The following ZWILCH variants were observed in gnomAD, a reference collection of about 807,000 sequenced individuals.
The protein encoded by ZWILCH is protein zwilch homolog.
Under a neutral mutation model 79.9 loss-of-function variants are expected in ZWILCH, and 74 were observed. The ratio of observed to expected loss-of-function variants is 0.93; its 90% confidence interval spans 0.77 to 1.12. The LOEUF is 1.12. Among genes scored for constraint, ZWILCH ranks in the 50% most tolerant of loss-of-function variants. The pLI is 0.00. For missense variants in ZWILCH, 694 were observed against 687.5 expected (o/e 1.01, Z -0.11); for synonymous variants, 241 against 228.2 (o/e 1.06, Z -0.51).
intron 8 of ZWILCH, among the ~76,000 whole-genome samples, chr15:66,525,743 T>C (rs1377289919): frequency 1.3e-5 from 2 of 150,648 alleles, no homozygotes; most frequent in Admixed American, 6.7e-5. Flanking sequence ...ACAAAAATTA[T>C]ATTCACATTT....
chr15:66,508,696 A>G (rs780090531), intron 1 of ZWILCH, 145 bp from the exon 2 acceptor site: 40 of 1,390,700 alleles, frequency 2.9e-5, no homozygotes, highest in Middle Eastern at 1.9e-4. Context: ...CTCTCTCTGC[A>G]ACTACATCTT....
At chr15:66,514,292 GA>G (rs1474148011) in intron 3 of ZWILCH, 3 of 294,210 alleles carry the variant, frequency 1.0e-5, no homozygotes, top group Non-Finnish European at 1.9e-5. Context: ...AGAAATAATC[GA>G]TAAAATTCAC....
intron 7 of ZWILCH, among the ~76,000 whole-genome samples, chr15:66,522,113 G>C (rs966447825): frequency 2.6e-5 from 4 of 151,824 alleles, no homozygotes; most frequent in African/African-American, 9.7e-5. Context: ...CAGAAGAATC[G>C]CTTGAACCCG....
intron 2 of ZWILCH, among the ~76,000 whole-genome samples, chr15:66,511,584 G>A (rs1375108588): frequency 6.6e-6 from 1 of 151,688 alleles, no homozygotes; most frequent in Admixed American, 6.6e-5. Context: ...GTTTCACTGT[G>A]AGATGGTAAA....
intron 18 of ZWILCH, 79 bp downstream of exon 18, chr15:66,546,784 A>G: frequency 3.0e-6 from 2 of 670,344 alleles, no homozygotes; most frequent in African/African-American, 1.8e-5. Context: ...CTACATTATC[A>G]ATGTCGATTT....
At chr15:66,513,102 TG>T (rs143994196) in intron 2 of ZWILCH, among the ~76,000 whole-genome samples, 11,484 of 152,098 alleles carry the variant, frequency 0.076, 1,440 homozygotes, top group African/African-American at 0.26. Flanking sequence ...GCCTAATTTT[TG>T]TATTTTTAGT....
intron 7 of ZWILCH, 173 bp from the exon 8 acceptor site, chr15:66,523,504 A>G (rs973037746): frequency 2.4e-5 from 13 of 535,278 alleles, no homozygotes; most frequent in African/African-American, 1.7e-4. Flanking sequence ...AAGATGGCAA[A>G]ATCTCTGAGT....
chr15:66,535,455 C>T (rs1267348053), intron 14 of ZWILCH, among the ~76,000 whole-genome samples: 1 of 152,062 alleles, frequency 6.6e-6, no homozygotes, highest in Admixed American at 6.6e-5. Context: ...GCAGACAGAT[C>T]ACTTGAGGTC....
At chr15:66,544,719 G>T (rs11853371) in intron 17 of ZWILCH, among the ~76,000 whole-genome samples, 9 of 44,806 alleles carry the variant, frequency 2.0e-4, no homozygotes, top group Admixed American at 5.8e-4. Flanking sequence ...TTGTTTTTTT[G>T]GTTTTTGTGT....
At chr15:66,529,619 A>G (rs1402970152) in intron 12 of ZWILCH, 46 bp downstream of exon 12, 3 of 1,451,190 alleles carry the variant, frequency 2.1e-6, no homozygotes, top group African/African-American at 1.4e-5. Flanking sequence ...GCAGCATAGC[A>G]TGATGTAAAG....
chr15:66,527,349 A>G lies in ZWILCH; in HGVS notation c.879A>G (p.Lys293=). The G allele has an allele frequency of 4.3e-6, 7 of 1,614,048 alleles. No individual in the cohort carries two copies. The highest frequency in any genetic ancestry group is 5.9e-6 in the Non-Finnish European group (7 of 1,179,968). The part of the protein sequence containing the change: ...VTEWLEPLEA[K]SAVELVQEFL... The stretch of plus-strand genomic sequence containing the variant: ...AATGGCTCGAGCCCCTGGAAGCAAA[A>G]TCTGCTGTTGAACTTGTTCAGGAAT... Residue 293 remains lysine (K), a synonymous_variant, in exon 9 of 19, where the codon AAA becomes AAG. Transcript: ENST00000307897.
At chr15:66,517,445 T>TATATATATATATATAC (rs1894319323) in intron 4 of ZWILCH, among the ~76,000 whole-genome samples, 2 of 137,114 alleles carry the variant, frequency 1.5e-5, no homozygotes, top group African/African-American at 5.3e-5. Flanking sequence ...TATATATATA[T>TATATATATATATATAC]ATATATATAT....
Position 66,549,956 on chromosome 15 carries a change from G to A in ZWILCH, c.*1632G>A. ...AGTTTTGGAAGATTGACTTCAAGTA[G>A]AGCCACATTTTGAGATTTTGAAAAT... On this transcript the variant is annotated 3_prime_UTR_variant, in exon 19 of 19. Coordinates refer to ENST00000307897, the MANE Select transcript of ZWILCH (RefSeq NM_017975.5). 1.1e-6 allele frequency: 1 copy of A among 874,212 alleles called. No homozygotes were observed. Among genetic ancestry groups the A allele is most frequent in the Non-Finnish European group, 1.7e-6 (1 of 593,804 alleles). The allele number at this position is 874,212 out of a possible 1,614,324, so 54.2% of individuals were successfully genotyped here.
At chr15:66,511,253 G>A (rs1246959164) in intron 2 of ZWILCH, among the ~76,000 whole-genome samples, 1 of 152,150 alleles carries the variant, frequency 6.6e-6, no homozygotes, top group Non-Finnish European at 1.5e-5. Flanking sequence ...TGGGAGGCTG[G>A]GGTGGGAGGA....
intron 16 of ZWILCH, among the ~76,000 whole-genome samples, chr15:66,538,423 C>G (rs571682535): frequency 6.6e-6 from 1 of 151,678 alleles, no homozygotes; most frequent in Non-Finnish European, 1.5e-5. Flanking sequence ...GCTCTTATTT[C>G]CCAGGCTGGA....
intron 5 of ZWILCH, among the ~76,000 whole-genome samples, chr15:66,519,861 A>T (rs548425301): frequency 6.6e-6 from 1 of 152,296 alleles, no homozygotes; most frequent in East Asian, 1.9e-4. Context: ...ACCGTAGTGC[A>T]TTCATAGGCC....
intron 16 of ZWILCH, among the ~76,000 whole-genome samples, chr15:66,539,568 C>T (rs913186159): frequency 2.6e-5 from 4 of 152,192 alleles, no homozygotes; most frequent in East Asian, 1.9e-4. Flanking sequence ...CGCTCTGCCT[C>T]TGTTATCTTT....
intron 2 of ZWILCH, among the ~76,000 whole-genome samples, chr15:66,509,856 T>C (rs1485729166): frequency 2.2e-5 from 2 of 89,834 alleles, no homozygotes; most frequent in Non-Finnish European, 4.8e-5. Context: ...TATATATATA[T>C]ATATATATAT....
In ZWILCH at chr15:66,550,049, A is replaced by G. The variant is rs1365845888; in HGVS notation, c.*1725A>G. The G allele has an allele frequency of 1.2e-6, 2 of 1,601,284 alleles. No individual in the cohort carries two copies. Among genetic ancestry groups the G allele is most frequent in the Non-Finnish European group, 1.7e-6 (2 of 1,174,320 alleles). On this transcript the variant is annotated 3_prime_UTR_variant, in exon 19 of 19. Coordinates refer to ENST00000307897, the MANE Select transcript of ZWILCH (RefSeq NM_017975.5). Reference sequence around the variant, plus strand: ...GAAATATACTGACTCACCTGCAGCAAGCATCTGATTGTTGATAGAGCAAGT... The same window carrying G: ...GAAATATACTGACTCACCTGCAGCAGGCATCTGATTGTTGATAGAGCAAGT...
Sources: gnomAD v4.1 joint callset for allele counts (sites outside exome capture counted in the v4.1 genomes callset) on GRCh38, gnomAD v4.1.1 for gene constraint, MANE v1.5 for transcripts, NCBI Gene and HGNC (gene_info 2026-07-23, HGNC 2026-07-21) for gene names.